Variants in NAV3 observed in about 807,000 individuals in gnomAD.
NAV3 encodes pore membrane and/or filament interacting like protein 1.
In NAV3, 87 loss-of-function variants were observed where a neutral mutation model predicts 244.7. The ratio of observed to expected loss-of-function variants is 0.36; its 90% CI spans 0.30 to 0.42. NAV3 has a LOEUF of 0.42. Among genes scored for constraint, NAV3 ranks in the 20% least tolerant of loss-of-function variants. NAV3 has a pLI of 1.00. For missense variants in NAV3, 2,663 were observed against 2,893.3 expected (o/e 0.92, Z 1.83); for synonymous variants, 1,126 against 1,042.2 (o/e 1.08, Z -1.55).
At chr12:77,854,645 C>T (rs1565859598) in intron 1 of NAV3, among the ~76,000 whole-genome samples, 2 of 151,694 alleles carry the variant, frequency 1.3e-5, no homozygotes, top group African/African-American at 2.4e-5. Context: ...ATAAATGTGC[C>T]AGAATATTTG....
At chr12:77,944,988 G>T (rs1372076121) in intron 3 of NAV3, among the ~76,000 whole-genome samples, 1 of 152,076 alleles carries the variant, frequency 6.6e-6, no homozygotes, top group Non-Finnish European at 1.5e-5. Flanking sequence ...TTGGTAATTG[G>T]ATAGGCATTG....
intron 1 of NAV3, among the ~76,000 whole-genome samples, chr12:77,865,839 T>A (rs1256205018): frequency 1.3e-5 from 2 of 151,934 alleles, no homozygotes; most frequent in Non-Finnish European, 2.9e-5. Context: ...TTTTAGTGGC[T>A]ACTCTGAAAC....
intron 25 of NAV3, 49 bp from the exon 26 acceptor site, chr12:78,176,390 C>T: frequency 6.3e-7 from 1 of 1,590,960 alleles, no homozygotes; most frequent in Non-Finnish European, 8.6e-7. Flanking sequence ...TACTGATCAG[C>T]CTTCATTCCC....
In NAV3 at chr12:78,210,481, A is replaced by G. The variant is rs779764329; in HGVS notation, c.7122A>G (p.Glu2374=). 6.2e-7 allele frequency: 1 copy of G among 1,613,778 alleles called. No homozygotes were observed. The highest frequency in any genetic ancestry group is 1.3e-5 in the African/African-American group (1 of 74,920). Residue 2374 remains glutamate (E), a synonymous_variant, in exon 40 of 40, where the codon GAA becomes GAG. Transcript: ENST00000397909. ...SCDSESTSHH[E]DILDSSLEST... is the part of the protein sequence containing the mutation. The stretch of plus-strand genomic sequence containing the variant: ...ACAGCGAAAGCACCAGCCACCATGA[A>G]GACATTTTGGATTCATCTCTTGAAT...
At chr12:77,602,075 G>C (rs1041143066) in intron 2 of NAV3, among the ~76,000 whole-genome samples, 12 of 152,008 alleles carry the variant, frequency 7.9e-5, no homozygotes, top group African/African-American at 2.4e-4. Flanking sequence ...ATGGATAATA[G>C]GGAGTTCTGC....
chr12:78,190,021 T>C lies in NAV3; in HGVS notation c.6093T>C (p.Asp2031=). The C allele has an allele frequency of 6.2e-7, 1 of 1,613,102 alleles. No individual in the cohort carries two copies. The highest frequency in any genetic ancestry group is 8.5e-7 in the Non-Finnish European group (1 of 1,179,384). The change falls in exon 34 of 40, where the codon GAT becomes GAC. Residue 2031 remains aspartate, a synonymous_variant. Coordinates refer to ENST00000397909, the MANE Select transcript of NAV3 (RefSeq NM_001024383.2). ...EENSLDSFVF[D]TLIPKPITQR... is the part of the protein sequence containing the mutation. ...ATAGTTTGGACAGTTTTGTTTTTGA[T>C]ACGCTGATTCCTAAACCAATTACCC...
At chr12:77,642,452 C>T (rs117234904) in intron 2 of NAV3, among the ~76,000 whole-genome samples, 3,763 of 152,072 alleles carry the variant, frequency 0.025, 60 homozygotes, top group Middle Eastern at 0.082. Flanking sequence ...GTAAATTACG[C>T]AATTCTAATG....
chr12:77,954,702 G>C (rs1891203919), intron 3 of NAV3, among the ~76,000 whole-genome samples: 1 of 152,012 alleles, frequency 6.6e-6, no homozygotes, highest in South Asian at 2.1e-4. Flanking sequence ...ATGCACAGTA[G>C]GATTTTTAAA....
chr12:78,145,789 T>C (rs1332930602), intron 20 of NAV3, among the ~76,000 whole-genome samples: 1 of 152,186 alleles, frequency 6.6e-6, no homozygotes, highest in African/African-American at 2.4e-5. Flanking sequence ...TGACTTGTGA[T>C]AATTAAAATT....
chr12:77,947,072 A>G (rs1482830282), intron 3 of NAV3, among the ~76,000 whole-genome samples: 2 of 152,142 alleles, frequency 1.3e-5, no homozygotes, highest in East Asian at 1.9e-4. Context: ...AGGTTTTAGT[A>G]TAACATGTAT....
intron 38 of NAV3, 150 bp from the exon 39 acceptor site, chr12:78,204,785 A>T: frequency 1.5e-6 from 1 of 656,148 alleles, no homozygotes; most frequent in Non-Finnish European, 2.6e-6. Flanking sequence ...TACATGTTTT[A>T]AATCTGCAAA....
At chr12:78,035,724 A>C (rs770120) in intron 9 of NAV3, among the ~76,000 whole-genome samples, 122,592 of 152,176 alleles carry the variant, frequency 0.81, 49,653 homozygotes, top group African/African-American at 0.89. Context: ...TTTTCTTTCT[A>C]TTTCCTTTTT....
intron 2 of NAV3, among the ~76,000 whole-genome samples, chr12:77,606,340 T>C (rs1870670715): frequency 6.6e-6 from 1 of 152,286 alleles, no homozygotes. Flanking sequence ...ATATATAAAA[T>C]AATGGTGTAG....
chr12:78,070,248 C>G (rs1037543007), intron 12 of NAV3, among the ~76,000 whole-genome samples: 2 of 151,944 alleles, frequency 1.3e-5, no homozygotes, highest in African/African-American at 4.8e-5. Flanking sequence ...TTCACATGTG[C>G]GAATTAATTT....
chr12:77,877,708 A>G (rs1882042640), intron 1 of NAV3, among the ~76,000 whole-genome samples: 1 of 152,110 alleles, frequency 6.6e-6, no homozygotes, highest in African/African-American at 2.4e-5. Context: ...GGGGAGCATA[A>G]TAACTCCCTA....
At chr12:77,866,999 G>A (rs1880143203) in intron 1 of NAV3, among the ~76,000 whole-genome samples, 1 of 152,164 alleles carries the variant, frequency 6.6e-6, no homozygotes, top group Admixed American at 6.5e-5. Context: ...CTAGAGTTGT[G>A]ACACTAAACA....
chr12:77,914,094 A>C (rs1314263226), intron 1 of NAV3, among the ~76,000 whole-genome samples: 3 of 152,030 alleles, frequency 2.0e-5, no homozygotes, highest in African/African-American at 7.2e-5. Flanking sequence ...TCTGCTTTTA[A>C]TTGAATGAAA....
At chr12:77,662,236 T>TCTAA (rs1395589003) in intron 2 of NAV3, among the ~76,000 whole-genome samples, 2 of 151,500 alleles carry the variant, frequency 1.3e-5, no homozygotes, top group Non-Finnish European at 3.0e-5. Flanking sequence ...TGTCTATCTA[T>TCTAA]CTATCTATCT....
In NAV3 at chr12:77,766,735, G is replaced by GTTTGTTTTTTTTTTTTTTTTT. The variant is rs1555202961; in HGVS notation, c.73-173581_73-173580insGTTTTTTTTTTTTTTTTTTTT. Among the ~76,000 whole-genome samples, 105 of 60,512 alleles carry GTTTGTTTTTTTTTTTTTTTTT rather than the reference G, an allele frequency of 1.7e-3. 32 individuals are homozygous for GTTTGTTTTTTTTTTTTTTTTT. Among genetic ancestry groups the GTTTGTTTTTTTTTTTTTTTTT allele is most frequent in the East Asian group, 3.0e-3 (6 of 2,012 alleles). 39.7% of individuals were successfully genotyped at this position (60,512 alleles called of 152,430 possible). On this transcript the variant is annotated intron_variant, in intron 2 of 8. Coordinates refer to the NAV3 transcript ENST00000550042. Reference sequence around the variant, plus strand: ...AGGATTCTAAAAAACAGGCAATTAAGTTTTTTTTTTTTTTTTTTTTTTTTT... The same window carrying GTTTGTTTTTTTTTTTTTTTTT: ...AGGATTCTAAAAAACAGGCAATTAAGTTTGTTTTTTTTTTTTTTTTTTTTTTTTTTTTTTTTTTTTTTTTTT...
Sources: gnomAD v4.1 joint callset for allele counts (sites outside exome capture counted in the v4.1 genomes callset) on GRCh38, gnomAD v4.1.1 for gene constraint, MANE v1.5 for transcripts, NCBI Gene and HGNC (gene_info 2026-07-23, HGNC 2026-07-21) for gene names.